The following MUC5AC variants were observed in gnomAD, a reference collection of about 807,000 sequenced individuals.
MUC5AC encodes the protein mucin 5AC, oligomeric mucus/gel-forming, also known as mucin-5AC.
In MUC5AC, 158 loss-of-function variants were observed where a neutral mutation model predicts 169.7. That is an observed-to-expected ratio of 0.93 (90% CI 0.82 to 1.06). MUC5AC has a LOEUF of 1.06. MUC5AC is among the 50% of genes least tolerant of loss of function. MUC5AC has a pLI of 0.00. For synonymous variants in MUC5AC, 1,975 were observed against 1,237.0 expected (o/e 1.60, Z -12.52); for missense variants, 4,359 against 3,089.9 (o/e 1.41, Z -9.74).
Position 1,176,258 on chromosome 11 carries a change from C to T in MUC5AC, c.2502+7C>T, listed in dbSNP as rs1860685580. The T allele has an allele frequency of 5.0e-6, 2 of 398,704 alleles. No homozygotes were observed. Among genetic ancestry groups the T allele is most frequent in the East Asian group, 7.1e-5 (2 of 28,084 alleles). 24.7% of individuals were successfully genotyped at this position (398,704 alleles called of 1,614,324 possible). A position where few individuals can be genotyped will look rare whatever the true frequency, so the allele number is the denominator to read the frequency against. On this transcript the variant is annotated splice_region_variant and intron_variant, in intron 20 of 48. Coordinates refer to ENST00000621226, the MANE Select transcript of MUC5AC (RefSeq NM_001304359.2). ...CACACTGGACATGACCTGTGTAAGT[C>T]CCTGAGGACTCCCCAATGACAGACC...
rs1311352983 is a variant in MUC5AC at position 1,182,498 on chromosome 11, T to C, written c.4353T>C (p.Asp1451=). ...ALGQRVQCSP[D]VGLTCRNREQ... ...GGCAGCGTGTGCAGTGCAGCCCGGA[T>C]GTGGGGCTGACCTGTCGTAACAGGG... is the stretch of plus-strand genomic sequence containing the variant. Residue 1451 remains aspartate (D), a synonymous_variant, in exon 31 of 49, where the codon GAT becomes GAC. Transcript: ENST00000621226. 9 of 398,602 alleles carry C rather than the reference T, an allele frequency of 2.3e-5. No homozygotes were observed. Among genetic ancestry groups the C allele is most frequent in the African/African-American group, 1.8e-4 (9 of 48,708 alleles). 24.7% of individuals were successfully genotyped at this position (398,602 alleles called of 1,614,324 possible).
chr11:1,168,055 C>T, intron 12 of MUC5AC, 68 bp downstream of exon 12: 1 of 1,344,426 alleles, frequency 7.4e-7, no homozygotes. Context: ...CAAGTCACCT[C>T]TGCCCAAGCC....
Position 1,181,179 on chromosome 11 carries a change from G to A in MUC5AC, c.3817G>A (p.Glu1273Lys), listed in dbSNP as rs1860807876. 5.0e-6 allele frequency: 2 copies of A among 398,664 alleles called. No individual in the cohort carries two copies. The highest frequency in any genetic ancestry group is 2.5e-4 in the South Asian group (2 of 7,868). 24.7% of individuals were successfully genotyped at this position (398,664 alleles called of 1,614,324 possible). Reference protein sequence around the residue: ...ERGVECTYKAEACVCTYNGQR... With the variant: ...ERGVECTYKAKACVCTYNGQR... Reference sequence around the variant, plus strand: ...CGGCGTGGAGTGCACCTACAAAGCTGAGGGTGAGCGGCCGGCAGCCCCTGG... The same window carrying A: ...CGGCGTGGAGTGCACCTACAAAGCTAAGGGTGAGCGGCCGGCAGCCCCTGG... Residue 1273 changes from glutamate (E) to lysine (K), a missense_variant, in exon 29 of 49, where the codon GAG becomes AAG. By Grantham distance (56) the Glu-to-Lys change is moderately conservative (BLOSUM62 1). Transcript: ENST00000621226.
chr11:1,180,135 G>T lies in MUC5AC; in HGVS notation c.3598G>T (p.Val1200Phe), dbSNP rs879249870. Residue 1200 changes from valine (V) to phenylalanine (F), a missense_variant, in exon 27 of 49, where the codon GTC becomes TTC. Physicochemically the swap from Val to Phe is conservative, Grantham distance 50. Transcript: ENST00000621226. ...RNPRGDCLRD[V>F]RGLEGCYPKC... Reference sequence around the variant, plus strand: ...CCCCCGTGGAGACTGCCTGCGGGACGTCCGGGGCCTGGAAGGTGGGCTGGG... The same window carrying T: ...CCCCCGTGGAGACTGCCTGCGGGACTTCCGGGGCCTGGAAGGTGGGCTGGG... 2 of 396,870 alleles carry T rather than the reference G, an allele frequency of 5.0e-6. No individual in the cohort carries two copies. The highest frequency in any genetic ancestry group is 1.2e-3 in the Middle Eastern group (2 of 1,654). The allele number at this position is 396,870 out of a possible 1,614,324, so 24.6% of individuals were successfully genotyped here.
At chr11:1,194,403 G>A (rs770157928) in intron 34 of MUC5AC, 43 bp downstream of exon 34, 6 of 708,776 alleles carry the variant, frequency 8.5e-6, no homozygotes, top group East Asian at 5.3e-5. Context: ...TGGGGGACGC[G>A]GCTTTCCCGG....
At chr11:1,167,278 AAC>A (rs59886408) in intron 11 of MUC5AC, among the ~76,000 whole-genome samples, 9 of 135,826 alleles carry the variant, frequency 6.6e-5, no homozygotes, top group Non-Finnish European at 1.4e-4. Flanking sequence ...CTCTGCACCC[AAC>A]ACAGTCTCCC....
rs747345301 is a variant in MUC5AC at position 1,165,683 on chromosome 11, C to A, written c.1309C>A (p.Leu437Ile). The stretch of plus-strand genomic sequence containing the variant: ...TCCATGCCCGGGTACCTGCTCTGTG[C>A]TTGGAGGTGCCCACTTCTCAACGTT... ...EVPCPGTCSVLGGAHFSTFDG... is the reference protein window; with the variant it reads ...EVPCPGTCSVIGGAHFSTFDG... Residue 437 changes from leucine (L) to isoleucine (I), a missense_variant, in exon 11 of 49, where the codon CTT becomes ATT. Physicochemically the swap from Leu to Ile is conservative, Grantham distance 5. Transcript: ENST00000621226. The A allele has an allele frequency of 1.9e-6, 3 of 1,612,510 alleles. No homozygotes were observed. Among genetic ancestry groups the A allele is most frequent in the Non-Finnish European group, 1.7e-6 (2 of 1,179,770 alleles).
At position 1,194,568 on chromosome 11, in the gene MUC5AC, G is replaced by C; in HGVS notation, c.15088G>C (p.Ala5030Pro). The C allele has an allele frequency of 1.3e-6, 1 of 764,440 alleles. No homozygotes were observed. Among genetic ancestry groups the C allele is most frequent in the East Asian group, 2.4e-5 (1 of 41,224 alleles). 47.4% of individuals were successfully genotyped at this position (764,440 alleles called of 1,614,324 possible). A position where few individuals can be genotyped will look rare whatever the true frequency, so the allele number is the denominator to read the frequency against. Residue 5030 changes from alanine (A) to proline (P), a missense_variant, in exon 35 of 49, where the codon GCG (alanine) becomes CCG (proline). Transcript: ENST00000621226. Reference protein sequence around the residue: ...VVSRIGVKMYATIPELGVQVM... With the variant: ...VVSRIGVKMYPTIPELGVQVM... ...CTCGCGCATCGGCGTCAAGATGTACGCGACCATCCCGGAGCTGGGAGTCCA... is the reference window on the plus strand; with the variant it reads ...CTCGCGCATCGGCGTCAAGATGTACCCGACCATCCCGGAGCTGGGAGTCCA...
At chr11:1,195,334 C>T in intron 36 of MUC5AC, 55 bp downstream of exon 36, 1 of 741,738 alleles carries the variant, frequency 1.3e-6, no homozygotes, top group South Asian at 1.4e-5. Flanking sequence ...ACCTCCCACC[C>T]TTCCAAGGGC....
intron 15 of MUC5AC, 144 bp downstream of exon 15, chr11:1,169,170 T>C: frequency 7.1e-7 from 1 of 1,404,070 alleles, no homozygotes. Flanking sequence ...AAGGACAGGC[T>C]CATGGTGGGC....
chr11:1,163,453 A>G (rs1006138192), intron 6 of MUC5AC, among the ~76,000 whole-genome samples: 3 of 152,170 alleles, frequency 2.0e-5, no homozygotes, highest in Non-Finnish European at 4.4e-5. Flanking sequence ...ACAAGCCCCG[A>G]GTACAGGGTG....
At chr11:1,180,274 C>T in intron 27 of MUC5AC, 80 bp from the exon 28 acceptor site, 1 of 398,658 alleles carries the variant, frequency 2.5e-6, no homozygotes, top group Non-Finnish European at 4.4e-6. Context: ...AGGCCCGCTG[C>T]TTGGGGGCTG....
intron 35 of MUC5AC, 54 bp downstream of exon 35, chr11:1,194,724 C>T (rs1051727945): frequency 4.3e-5 from 30 of 698,818 alleles, no homozygotes; most frequent in Admixed American, 1.2e-4. Flanking sequence ...GCGGGGGTGC[C>T]GGGCAGGGGC....
rs746336061 is a variant in MUC5AC, at chr11:1,199,870, T to C, written c.16601T>C (p.Val5534Ala). 1.3e-5 allele frequency: 10 copies of C among 764,136 alleles called. No homozygotes were observed. The African/African-American group carries it at 1.4e-4, about 10-fold the overall frequency. 47.3% of individuals were successfully genotyped at this position (764,136 alleles called of 1,614,324 possible). The change falls in exon 48 of 49, where the codon GTG becomes GCG. Residue 5534 changes from valine (V) to alanine (A), a missense_variant. Physicochemically the swap from Val to Ala is moderately conservative, Grantham distance 64 (BLOSUM62 0). Coordinates refer to ENST00000621226, the MANE Select transcript of MUC5AC (RefSeq NM_001304359.2). ...PPYQNQSTCA[V>A]YHRSLIIQQQ... ...TCCTCTCCAGAGTCGACCTGTGCTG[T>C]GTACCATAGGAGCCTGATCATCCAG...
At position 1,196,399 on chromosome 11, in the gene MUC5AC, C is replaced by T. The variant is rs780102562; in HGVS notation, c.15649C>T (p.Pro5217Ser). ...RTGHMCPFTC[P>S]ADKVYQPCGP... The stretch of plus-strand genomic sequence containing the variant: ...TCCCCTCCCCACAGCATTCACCTGC[C>T]CAGCCGACAAGGTGTACCAGCCCTG... The change falls in exon 38 of 49, where the codon CCA becomes TCA. Residue 5217 changes from proline to serine, a missense_variant. By Grantham distance (74) the Pro-to-Ser change is moderately conservative (BLOSUM62 -1). Coordinates refer to ENST00000621226, the MANE Select transcript of MUC5AC (RefSeq NM_001304359.2). The T allele has an allele frequency of 1.0e-5, 8 of 764,946 alleles. No individual in the cohort carries two copies. The highest frequency in any genetic ancestry group is 2.4e-5 in the East Asian group (1 of 41,240). 47.4% of individuals were successfully genotyped at this position (764,946 alleles called of 1,614,324 possible). A position where few individuals can be genotyped will look rare whatever the true frequency, so the allele number is the denominator to read the frequency against.
In MUC5AC at chr11:1,185,270, C is replaced by A. The variant is rs1424274655; in HGVS notation, c.7125C>A (p.Ala2375=). The A allele has an allele frequency of 4.8e-4, 320 of 661,994 alleles. No individual in the cohort carries two copies. Among genetic ancestry groups the A allele is most frequent in the Admixed American group, 9.4e-4 (42 of 44,646 alleles). The allele number at this position is 661,994 out of a possible 1,614,324, so 41.0% of individuals were successfully genotyped here. A position where few individuals can be genotyped will look rare whatever the true frequency, so the allele number is the denominator to read the frequency against. Residue 2375 remains alanine (A), a synonymous_variant, in exon 31 of 49, where the codon GCC becomes GCA. Coordinates refer to ENST00000621226, the MANE Select transcript of MUC5AC (RefSeq NM_001304359.2). ...CTCCTACAACCAGCACAACCTCTGCCCGTACAAGCAGCACAACCTCTGCCA... is the reference window on the plus strand; with the variant it reads ...CTCCTACAACCAGCACAACCTCTGCACGTACAAGCAGCACAACCTCTGCCA... ...TSAPTTSTTS[A]RTSSTTSATT... is the part of the protein sequence containing the mutation.
rs758626378 is a variant in MUC5AC at position 1,197,928 on chromosome 11, G to C, written c.16059G>C (p.Ala5353=). The change falls in exon 42 of 49, where the codon GCG becomes GCC. Residue 5353 remains alanine, a synonymous_variant. Transcript: ENST00000621226. ...SCACNTSRCP[A]PVGCPEGARA... The stretch of plus-strand genomic sequence containing the variant: ...CCTGCAACACCAGCCGCTGCCCCGC[G>C]CCCGTGGGCTGTCCTGAGGGCGCCC... 2 of 733,026 alleles carry C rather than the reference G, an allele frequency of 2.7e-6. No homozygotes were observed. The highest frequency in any genetic ancestry group is 2.9e-5 in the South Asian group (2 of 69,622). 45.4% of individuals were successfully genotyped at this position (733,026 alleles called of 1,614,324 possible).
intron 40 of MUC5AC, 100 bp from the exon 41 acceptor site, chr11:1,197,368 C>T (rs1861302675): frequency 3.0e-6 from 2 of 660,874 alleles, no homozygotes; most frequent in Non-Finnish European, 2.8e-6. Context: ...GCCACACGGC[C>T]TCCACACCTG....
chr11:1,190,001 CTG>C lies in MUC5AC; in HGVS notation c.11858_11859del (p.Cys3953SerfsTer11). 1 of 765,178 alleles carries C rather than the reference CTG, an allele frequency of 1.3e-6. No homozygotes were observed. The highest frequency in any genetic ancestry group is 1.3e-5 in the South Asian group (1 of 74,624). The allele number at this position is 765,178 out of a possible 1,614,324, so 47.4% of individuals were successfully genotyped here. ...TTHSQPVTRDCHPRCTWTKWF... is the reference protein window; with the variant it reads ...TTHSQPVTRDXHPRCTWTKWF... The stretch of plus-strand genomic sequence containing the variant: ...CCCACTCCCAACCAGTCACCAGAGA[CTG>C]TCATCCCCGGTGCACCTGGACCAAG... On this transcript the variant is annotated frameshift_variant, in exon 31 of 49. Transcript: ENST00000621226. LOFTEE classifies it high-confidence loss of function.
Sources: allele counts gnomAD v4.1 joint callset (sites outside exome capture counted in the v4.1 genomes callset), GRCh38; gene constraint gnomAD v4.1.1; transcripts MANE v1.5; gene names NCBI Gene and HGNC (gene_info 2026-07-23, HGNC 2026-07-21).